Variants in GDPD5 observed in about 807,000 individuals in gnomAD.
GDPD5 encodes glycerophosphodiester phosphodiesterase 2.
Under a neutral mutation model 75.1 loss-of-function variants are expected in GDPD5, and 48 were observed. The ratio of observed to expected loss-of-function variants is 0.64; its 90% CI spans 0.51 to 0.81. GDPD5 has a LOEUF of 0.81. Ranked by LOEUF, GDPD5 falls within the 40% of genes least tolerant of loss-of-function variation. The pLI, the probability that GDPD5 is intolerant of heterozygous loss-of-function variation, is 0.00. For synonymous variants in GDPD5, 336 were observed against 339.0 expected (o/e 0.99, Z 0.10); for missense variants, 706 against 822.6 (o/e 0.86, Z 1.73).
At chr11:75,478,400 C>G (rs1238111760) in intron 2 of GDPD5, among the ~76,000 whole-genome samples, 1 of 152,212 alleles carries the variant, frequency 6.6e-6, no homozygotes, top group African/African-American at 2.4e-5. Flanking sequence ...CCTGCCTCAG[C>G]CTCCCAAAGT....
At position 75,439,977 on chromosome 11, in the gene GDPD5, C is replaced by A; in HGVS notation, c.1474-16G>T. On this transcript the variant is annotated splice_polypyrimidine_tract_variant and intron_variant, in intron 14 of 16. Transcript: ENST00000336898. Reference sequence around the variant, plus strand: ...CGTCCGGGGGCTGTGGACAGACGGCCCGAGGCCAACTTCCAGTCATGGCCA... The same window carrying A: ...CGTCCGGGGGCTGTGGACAGACGGCACGAGGCCAACTTCCAGTCATGGCCA... 5 of 1,604,248 alleles carry A rather than the reference C, an allele frequency of 3.1e-6. No homozygotes were observed. Among genetic ancestry groups the A allele is most frequent in the Middle Eastern group, 3.3e-4 (2 of 6,026 alleles).
chr11:75,521,029 T>C (rs1390663166), intron 1 of GDPD5, among the ~76,000 whole-genome samples: 1 of 152,182 alleles, frequency 6.6e-6, no homozygotes, highest in Non-Finnish European at 1.5e-5. Flanking sequence ...TACCACATCC[T>C]CTGGCCCTGG....
rs1253773299 is a variant in GDPD5, at chr11:75,496,724, C to T, written c.-144-6404G>A. On this transcript the variant is annotated intron_variant, in intron 1 of 16. Coordinates refer to ENST00000336898, the MANE Select transcript of GDPD5 (RefSeq NM_030792.8). ...CAAGGTTTCTATGTACGCTATCTGACGCCTCTTAGCCTCCCGCTGCAGACT... is the reference window on the plus strand; with the variant it reads ...CAAGGTTTCTATGTACGCTATCTGATGCCTCTTAGCCTCCCGCTGCAGACT... Among the ~76,000 whole-genome samples the T allele has an allele frequency of 7.2e-5, 11 of 151,974 alleles. No homozygotes were observed. In the East Asian group the frequency reaches 7.7e-4, roughly 11 times the overall value.
chr11:75,521,231 G>A (rs1350792047), intron 1 of GDPD5, among the ~76,000 whole-genome samples: 4 of 152,148 alleles, frequency 2.6e-5, no homozygotes, highest in Admixed American at 2.6e-4. Flanking sequence ...GGTCCTTCCT[G>A]GGCCCCATGC....
At chr11:75,507,565 C>A (rs2135473184) in intron 1 of GDPD5, among the ~76,000 whole-genome samples, 1 of 152,364 alleles carries the variant, frequency 6.6e-6, no homozygotes, top group East Asian at 1.9e-4. Flanking sequence ...AAAGCCCAGA[C>A]CGGGGTTCTT....
intron 1 of GDPD5, among the ~76,000 whole-genome samples, chr11:75,524,944 C>T (rs1020924977): frequency 2.0e-5 from 3 of 152,268 alleles, no homozygotes; most frequent in Non-Finnish European, 4.4e-5. Flanking sequence ...GCCTCAGTTT[C>T]TCCATCTGCA....
intron 1 of GDPD5, among the ~76,000 whole-genome samples, chr11:75,522,871 T>C (rs1421013541): frequency 6.6e-6 from 1 of 152,044 alleles, no homozygotes; most frequent in Non-Finnish European, 1.5e-5. Flanking sequence ...ACCACAGCCC[T>C]GCCAGCAGGA....
At chr11:75,469,705 T>C (rs1194548223) in intron 3 of GDPD5, among the ~76,000 whole-genome samples, 1 of 152,222 alleles carries the variant, frequency 6.6e-6, no homozygotes, top group Non-Finnish European at 1.5e-5. Flanking sequence ...GAAGTGGTGA[T>C]ACTTCGATCT....
In GDPD5 at chr11:75,516,402, T is replaced by C. The variant is rs147564591; in HGVS notation, c.-145+8808A>G. 3.0e-4 allele frequency among the ~76,000 whole-genome samples: 46 copies of C among 152,334 alleles called. 1 individual carries two copies. In the East Asian group the frequency reaches 8.1e-3, roughly 27 times the overall value. On this transcript the variant is annotated intron_variant, in intron 1 of 16. Transcript: ENST00000336898. ...CCAGTCACTCTGGGTTGATGTACCC[T>C]CTCTGGCTGTGCCCAGGCAAGGAGA... is the stretch of plus-strand genomic sequence containing the variant.
intron 1 of GDPD5, among the ~76,000 whole-genome samples, chr11:75,519,962 C>T (rs931220224): frequency 2.0e-5 from 3 of 152,232 alleles, no homozygotes; most frequent in South Asian, 2.1e-4. Flanking sequence ...ACGGCTTCTC[C>T]CACCTGGGTC....
intron 15 of GDPD5, chr11:75,437,882 C>T (rs906990550): frequency 1.3e-5 from 2 of 152,358 alleles, no homozygotes. Context: ...TTCCTGGGAT[C>T]TAGGCAGAAG....
chr11:75,458,811 G>A (rs1949349636), intron 4 of GDPD5, among the ~76,000 whole-genome samples: 1 of 152,194 alleles, frequency 6.6e-6, no homozygotes, highest in African/African-American at 2.4e-5. Flanking sequence ...GTTTGAGACA[G>A]GGTCTCTGTC....
At chr11:75,450,276 G>A in intron 6 of GDPD5, 1 of 514,908 alleles carries the variant, frequency 1.9e-6, no homozygotes, top group Non-Finnish European at 3.5e-6. Context: ...AGGGAACTGT[G>A]AGGAGGGAGG....
intron 6 of GDPD5, chr11:75,451,498 G>C (rs777326773): frequency 1.3e-5 from 2 of 152,244 alleles, no homozygotes; most frequent in African/African-American, 4.8e-5. Flanking sequence ...CCCATCTCAG[G>C]GGGTAAGGGG....
intron 1 of GDPD5, among the ~76,000 whole-genome samples, chr11:75,512,281 G>GACACACACACACACACACAC (rs145862089): frequency 0.039 from 4,811 of 123,064 alleles, 349 homozygotes; most frequent in East Asian, 0.053. Flanking sequence ...AATTGGGAAG[G>GACACACACACACACACACAC]ACACACACAC....
At chr11:75,476,354 G>A (rs1000487822) in intron 3 of GDPD5, among the ~76,000 whole-genome samples, 6 of 151,488 alleles carry the variant, frequency 4.0e-5, no homozygotes, top group African/African-American at 9.7e-5. Context: ...ATGGCCCAGC[G>A]GCAACTTGAG....
intron 1 of GDPD5, among the ~76,000 whole-genome samples, chr11:75,514,761 G>C (rs1950601911): frequency 6.6e-6 from 1 of 152,240 alleles, no homozygotes; most frequent in Non-Finnish European, 1.5e-5. Flanking sequence ...TTGCAGCAGA[G>C]TGGACTTCAA....
chr11:75,485,354 C>T (rs1489087099), intron 2 of GDPD5: 1 of 152,084 alleles, frequency 6.6e-6, no homozygotes, highest in East Asian at 1.9e-4. Flanking sequence ...AATATTAGTT[C>T]ATCAGTTGTA....
At chr11:75,507,380 A>G (rs2135472558) in intron 1 of GDPD5, among the ~76,000 whole-genome samples, 1 of 152,324 alleles carries the variant, frequency 6.6e-6, no homozygotes, top group African/African-American at 2.4e-5. Flanking sequence ...CACTTCTTCC[A>G]ACATCCTCAT....
Sources: gnomAD v4.1 joint callset for allele counts (sites outside exome capture counted in the v4.1 genomes callset) on GRCh38, gnomAD v4.1.1 for gene constraint, MANE v1.5 for transcripts, NCBI Gene and HGNC (gene_info 2026-07-23, HGNC 2026-07-21) for gene names.